The following NELL2 variants were observed in gnomAD, a reference collection of about 807,000 sequenced individuals.
NELL2 encodes neural EGFL like 2.
A neutral mutation model predicts 109.6 loss-of-function variants in NELL2; 41 were observed. The ratio of observed to expected loss-of-function variants is 0.37; its 90% CI spans 0.29 to 0.49. NELL2 has a LOEUF of 0.49. Ranked by LOEUF, NELL2 falls within the 20% of genes least tolerant of loss-of-function variation. The probability of loss-of-function intolerance (pLI) is 0.98; values close to 1 mark genes in which losing one functional copy is unlikely to be tolerated. For synonymous variants in NELL2, 355 were observed against 344.7 expected (o/e 1.03, Z -0.33); for missense variants, 900 against 1,008.3 (o/e 0.89, Z 1.45).
At position 44,773,913 on chromosome 12, in the gene NELL2, C is replaced by T. The variant is rs147975046; in HGVS notation, c.994+834G>A. Among the ~76,000 whole-genome samples, 818 of 152,274 alleles carry T rather than the reference C, an allele frequency of 5.4e-3. 10 individuals carry two copies. The highest frequency in any genetic ancestry group is 0.019 in the African/African-American group (782 of 41,554). On this transcript the variant is annotated intron_variant, in intron 9 of 19. Transcript: ENST00000429094. ...CATTGCTACTGTCTTTCTCTCCACC[C>T]CGCCGCCACTTCTCCCTACTTTGTC...
intron 9 of NELL2, among the ~76,000 whole-genome samples, chr12:44,723,105 C>A (rs938705860): frequency 6.6e-6 from 1 of 151,860 alleles, no homozygotes; most frequent in Non-Finnish European, 1.5e-5. Context: ...AGGAGAATGA[C>A]ATGAACCCGG....
intron 12 of NELL2, among the ~76,000 whole-genome samples, chr12:44,675,785 T>A (rs553059872): frequency 9.3e-4 from 141 of 152,232 alleles, no homozygotes; most frequent in African/African-American, 3.1e-3. Context: ...CTGAATCAGA[T>A]CTGTGTTTTT....
At chr12:44,889,813 G>A (rs1022840533) in intron 1 of NELL2, among the ~76,000 whole-genome samples, 1 of 151,984 alleles carries the variant, frequency 6.6e-6, no homozygotes, top group South Asian at 2.1e-4. Flanking sequence ...AAGGCTATAC[G>A]TAGTCCACAC....
intron 3 of NELL2, among the ~76,000 whole-genome samples, chr12:44,783,740 C>T (rs764321889): frequency 2.4e-4 from 37 of 151,894 alleles, no homozygotes; most frequent in Non-Finnish European, 5.0e-4. Context: ...GCAGAATTTT[C>T]TCACGTAATA....
intron 12 of NELL2, among the ~76,000 whole-genome samples, chr12:44,677,696 G>A (rs2136362225): frequency 6.6e-6 from 1 of 152,182 alleles, no homozygotes; most frequent in East Asian, 1.9e-4. Context: ...TGAAAGGAGT[G>A]AGGCAGATTA....
chr12:44,827,463 G>GC (rs1943751647), intron 2 of NELL2, among the ~76,000 whole-genome samples: 1 of 136,900 alleles, frequency 7.3e-6, no homozygotes, highest in Non-Finnish European at 1.5e-5. Flanking sequence ...CTTATCACTG[G>GC]CCCCCACCCA....
At chr12:44,558,680 C>T (rs545684020) in intron 15 of NELL2, among the ~76,000 whole-genome samples, 11 of 152,298 alleles carry the variant, frequency 7.2e-5, no homozygotes, top group South Asian at 4.1e-4. Flanking sequence ...TAGCAAACCA[C>T]GGACCAGGAG....
chr12:44,690,529 C>T (rs1324539211), intron 12 of NELL2, among the ~76,000 whole-genome samples: 1 of 150,658 alleles, frequency 6.6e-6, no homozygotes, highest in African/African-American at 2.5e-5. Context: ...GGACCTCAAA[C>T]ACTGAGGTCT....
intron 2 of NELL2, among the ~76,000 whole-genome samples, chr12:44,847,839 C>T (rs1364618671): frequency 6.6e-6 from 1 of 151,822 alleles, no homozygotes; most frequent in East Asian, 1.9e-4. Flanking sequence ...CAAGACCATC[C>T]TGGCCAACAT....
At position 44,761,923 on chromosome 12, in the gene NELL2, G is replaced by A. The variant is rs533040981; in HGVS notation, c.994+12824C>T. Among the ~76,000 whole-genome samples, 24 of 151,990 alleles carry A rather than the reference G, an allele frequency of 1.6e-4. No homozygotes were observed. The East Asian group carries it at 4.4e-3, about 28-fold the overall frequency. ...GTGAGGGTTGAAAAATTACCTACTG[G>A]GTATCATGTTCAGTATTCAGGTGAT... On this transcript the variant is annotated intron_variant, in intron 9 of 19. Transcript: ENST00000429094.
chr12:44,864,940 G>A lies in NELL2; in HGVS notation c.184+10285C>T, dbSNP rs560458604. 4.7e-3 allele frequency among the ~76,000 whole-genome samples: 696 copies of A among 148,442 alleles called. 4 individuals carry two copies. Among genetic ancestry groups the A allele is most frequent in the African/African-American group, 0.016 (658 of 40,004 alleles). On this transcript the variant is annotated intron_variant, in intron 2 of 19. Transcript: ENST00000429094. The stretch of plus-strand genomic sequence containing the variant: ...TCTAGTTCTAGATCCCTGAGGAATC[G>A]CCACACTGACTTCCACAATGGTTGA...
At chr12:44,632,986 C>A (rs1398153202) in intron 13 of NELL2, among the ~76,000 whole-genome samples, 4 of 151,414 alleles carry the variant, frequency 2.6e-5, no homozygotes, top group Admixed American at 6.6e-5. Context: ...GGAAAAAAAA[C>A]CAAAATAGGG....
intron 1 of NELL2, among the ~76,000 whole-genome samples, chr12:44,906,985 A>T (rs1003468333): frequency 6.6e-6 from 1 of 152,022 alleles, no homozygotes; most frequent in African/African-American, 2.4e-5. Flanking sequence ...GGTGGGAGGT[A>T]ATTGAATCAC....
At chr12:44,516,200 T>C (rs1368002341) in intron 19 of NELL2, among the ~76,000 whole-genome samples, 1 of 152,082 alleles carries the variant, frequency 6.6e-6, no homozygotes, top group Non-Finnish European at 1.5e-5. Context: ...AATTGCATTG[T>C]ATACAAAGTT....
At chr12:44,833,136 A>C (rs140284382) in intron 2 of NELL2, among the ~76,000 whole-genome samples, 1 of 152,292 alleles carries the variant, frequency 6.6e-6, no homozygotes, top group African/African-American at 2.4e-5. Flanking sequence ...TTAACAAATA[A>C]ATGTTTTGCT....
chr12:44,718,913 C>A (rs1185059454), intron 9 of NELL2, among the ~76,000 whole-genome samples: 1 of 152,150 alleles, frequency 6.6e-6, no homozygotes, highest in African/African-American at 2.4e-5. Flanking sequence ...TGATTTAGGT[C>A]ACCCAGAGCT....
chr12:44,713,215 CAG>C (rs1345389294), intron 10 of NELL2, among the ~76,000 whole-genome samples: 13 of 143,296 alleles, frequency 9.1e-5, no homozygotes, highest in East Asian at 4.1e-4. Context: ...CACACACACA[CAG>C]AGAGAGACAG....
rs186203216 is a variant in NELL2, at chr12:44,521,984, A to C, written c.2175+16T>G. On this transcript the variant is annotated intron_variant, in intron 18 of 19. Transcript: ENST00000429094. ...TGGGCCTAAATTTTCTTTCCACTTCATGTAGCTAAATTTACCAAGCAGCGG... is the reference window on the plus strand; with the variant it reads ...TGGGCCTAAATTTTCTTTCCACTTCCTGTAGCTAAATTTACCAAGCAGCGG... 2.1e-4 allele frequency: 333 copies of C among 1,610,304 alleles called. No homozygotes were observed. The highest frequency in any genetic ancestry group is 2.4e-4 in the Non-Finnish European group (286 of 1,178,468).
Position 44,802,944 on chromosome 12 carries a change from A to G in NELL2, c.335+13042T>C, listed in dbSNP as rs182429045. On this transcript the variant is annotated intron_variant, in intron 3 of 19. Transcript: ENST00000429094. ...GGAATAAAATTCGAATTTCTCCCTG[A>G]TAAAACACTAATCAAAATCCAAAGG... Among the ~76,000 whole-genome samples the G allele has an allele frequency of 2.4e-3, 371 of 152,156 alleles. 1 individual carries two copies. Among genetic ancestry groups the G allele is most frequent in the African/African-American group, 8.6e-3 (356 of 41,550 alleles).
Sources: gnomAD v4.1 joint callset for allele counts (sites outside exome capture counted in the v4.1 genomes callset) on GRCh38, gnomAD v4.1.1 for gene constraint, MANE v1.5 for transcripts, NCBI Gene and HGNC (gene_info 2026-07-23, HGNC 2026-07-21) for gene names.